Variants in RORA observed in about 807,000 individuals in gnomAD.
RORA encodes RAR related orphan receptor A.
RORA carries 7 observed loss-of-function variants against 69.5 expected under a neutral mutation model. That is an observed-to-expected ratio of 0.10 (90% CI 0.06 to 0.19). RORA has a LOEUF of 0.19. RORA is among the 10% of genes least tolerant of loss of function. The pLI is 1.00. For missense variants in RORA, 457 were observed against 663.0 expected, an observed-to-expected ratio of 0.69 and a Z score of 3.41; for synonymous variants, 261 against 240.8, an observed-to-expected ratio of 1.08 and a Z score of -0.78.
intron 1 of RORA, among the ~76,000 whole-genome samples, chr15:61,042,403 A>C (rs1340945450): frequency 6.6e-6 from 1 of 152,148 alleles, no homozygotes; most frequent in Non-Finnish European, 1.5e-5. Flanking sequence ...ACATACACAC[A>C]AACACACAAA....
intron 1 of RORA, among the ~76,000 whole-genome samples, chr15:60,826,650 G>T (rs1047795721): frequency 2.3e-5 from 2 of 86,942 alleles, no homozygotes; most frequent in East Asian, 8.5e-4. Context: ...GTCTGAGTAT[G>T]ATTTTTTTTT....
chr15:61,222,586 G>C lies in RORA; in HGVS notation c.166+6467C>G, dbSNP rs114556801. On this transcript the variant is annotated intron_variant, in intron 1 of 10. Transcript: ENST00000335670. ...TCAAGAGAGAAATAATAATAACTGG[G>C]CTGTCACAAAAGAACATCAGGACTC... Among the ~76,000 whole-genome samples the C allele has an allele frequency of 3.8e-3, 575 of 152,226 alleles. 4 individuals are homozygous for C. Among genetic ancestry groups the C allele is most frequent in the Middle Eastern group, 0.014 (4 of 294 alleles).
chr15:60,996,426 C>G (rs1486604464), intron 1 of RORA, among the ~76,000 whole-genome samples: 1 of 152,154 alleles, frequency 6.6e-6, no homozygotes, highest in Non-Finnish European at 1.5e-5. Flanking sequence ...TCAAAACTCA[C>G]TGAACTGAAC....
At chr15:60,671,171 C>T (rs968646157) in intron 2 of RORA, among the ~76,000 whole-genome samples, 20 of 148,540 alleles carry the variant, frequency 1.3e-4, no homozygotes, top group African/African-American at 4.5e-4. Context: ...CCACTGTGTC[C>T]GGAATCATAG....
chr15:60,582,437 C>T (rs1241980670), intron 2 of RORA, among the ~76,000 whole-genome samples: 1 of 152,174 alleles, frequency 6.6e-6, no homozygotes, highest in African/African-American at 2.4e-5. Context: ...CCAAGTCCAA[C>T]CCTTTAACTT....
chr15:60,896,354 A>G (rs1891231002), intron 1 of RORA, among the ~76,000 whole-genome samples: 1 of 152,228 alleles, frequency 6.6e-6, no homozygotes, highest in African/African-American at 2.4e-5. Flanking sequence ...AACAGTCCAT[A>G]TGCGAATAAG....
At chr15:60,941,984 AT>A (rs1326061340) in intron 1 of RORA, among the ~76,000 whole-genome samples, 1 of 152,222 alleles carries the variant, frequency 6.6e-6, no homozygotes. Context: ...CAAATCTCCT[AT>A]GCATAAAATC....
intron 1 of RORA, among the ~76,000 whole-genome samples, chr15:60,695,156 CT>C (rs55665600): frequency 0.88 from 133,251 of 151,990 alleles, 58,442 homozygotes; most frequent in East Asian, 0.94. Context: ...AAAGCCTCTG[CT>C]TAGTGACCCA....
chr15:60,989,116 G>A (rs1344852982), intron 1 of RORA, among the ~76,000 whole-genome samples: 1 of 152,102 alleles, frequency 6.6e-6, no homozygotes, highest in Non-Finnish European at 1.5e-5. Context: ...CAATTCAGTG[G>A]TATTTGGTGC....
Position 60,511,114 on chromosome 15 carries a change from G to A in RORA, c.820+112C>T. On this transcript the variant is annotated intron_variant, in intron 5 of 10. Coordinates refer to ENST00000335670, the MANE Select transcript of RORA (RefSeq NM_134261.3). The surrounding 1 kb of genome is among the most constrained non-coding windows in gnomAD (Gnocchi z 6.4). ...GGCAGAAAATTAAGTGGCCCAAATGGTAAAGGTGAATTGCATCATTTAGCA... is the reference window on the plus strand; with the variant it reads ...GGCAGAAAATTAAGTGGCCCAAATGATAAAGGTGAATTGCATCATTTAGCA... The A allele has an allele frequency of 2.4e-6, 3 of 1,231,340 alleles. No individual in the cohort carries two copies. The highest frequency in any genetic ancestry group is 2.3e-6 in the Non-Finnish European group (2 of 886,366). 76.3% of individuals were successfully genotyped at this position (1,231,340 alleles called of 1,614,324 possible).
intron 2 of RORA, among the ~76,000 whole-genome samples, chr15:60,657,173 G>A (rs2070233392): frequency 6.6e-6 from 1 of 152,146 alleles, no homozygotes; most frequent in South Asian, 2.1e-4. Flanking sequence ...AGGCTGGCTT[G>A]TGGAAGAAGC....
intron 1 of RORA, among the ~76,000 whole-genome samples, chr15:61,228,373 C>T (rs1191608321): frequency 6.8e-6 from 1 of 147,744 alleles, no homozygotes; most frequent in Non-Finnish European, 1.5e-5. Flanking sequence ...CGCCAGACAA[C>T]TTGGCGAACA....
At chr15:60,682,473 T>G (rs895227317) in intron 1 of RORA, 10 of 152,104 alleles carry the variant, frequency 6.6e-5, no homozygotes, top group Admixed American at 2.6e-4. Context: ...TCCATTCGCT[T>G]TACTCTCTAA....
At chr15:60,638,166 G>A (rs1168535546) in intron 2 of RORA, among the ~76,000 whole-genome samples, 2 of 152,120 alleles carry the variant, frequency 1.3e-5, no homozygotes, top group African/African-American at 2.4e-5. Flanking sequence ...TCTAGGGCAC[G>A]AGTAAAGATA....
intron 2 of RORA, among the ~76,000 whole-genome samples, chr15:60,546,913 C>T (rs564824137): frequency 3.3e-5 from 5 of 152,316 alleles, no homozygotes; most frequent in African/African-American, 1.2e-4. Context: ...GATTTTCCCT[C>T]GTGTTGTCCC....
intron 1 of RORA, 60 bp downstream of exon 1, chr15:61,228,992 GC>G (rs1006048101): frequency 3.8e-5 from 37 of 973,160 alleles, no homozygotes; most frequent in South Asian, 4.3e-5. Context: ...GCTCCCGGCC[GC>G]CCCCCGCTCC....
intron 1 of RORA, among the ~76,000 whole-genome samples, chr15:61,113,498 C>T (rs2079024920): frequency 6.6e-6 from 1 of 152,168 alleles, no homozygotes; most frequent in African/African-American, 2.4e-5. Flanking sequence ...GACAAAGTAA[C>T]TCCTGTGGCC....
At chr15:61,011,011 A>C (rs1895069459) in intron 1 of RORA, among the ~76,000 whole-genome samples, 1 of 152,244 alleles carries the variant, frequency 6.6e-6, no homozygotes, top group South Asian at 2.1e-4. Flanking sequence ...TTATATGATT[A>C]TTACTTCATG....
chr15:60,853,533 C>T (rs1028065832), intron 1 of RORA, among the ~76,000 whole-genome samples: 12 of 152,120 alleles, frequency 7.9e-5, no homozygotes, highest in African/African-American at 2.7e-4. Context: ...ATACCACTGC[C>T]AACAAGAAGA....
Sources: allele counts gnomAD v4.1 joint callset (sites outside exome capture counted in the v4.1 genomes callset), GRCh38; gene constraint gnomAD v4.1.1; non-coding constraint Gnocchi (gnomAD v3.1); transcripts MANE v1.5; gene names NCBI Gene and HGNC (gene_info 2026-07-23, HGNC 2026-07-21).